CNTN5: variants seen among roughly 807,000 people sequenced by gnomAD.
CNTN5 encodes contactin 5, also known as contactin-5.
CNTN5 carries 77 observed loss-of-function variants against 129.1 expected under a neutral mutation model. The observed-to-expected ratio is 0.60, with a 90% CI of 0.50 to 0.72. The LOEUF is 0.72. Ranked by LOEUF, CNTN5 falls within the 30% of genes least tolerant of loss-of-function variation. The pLI, the probability that CNTN5 is intolerant of heterozygous loss-of-function variation, is 0.00. For synonymous variants in CNTN5, 509 were observed against 465.6 expected (o/e 1.09, Z -1.20); for missense variants, 1,478 against 1,328.8 (o/e 1.11, Z -1.75).
chr11:99,701,354 G>A (rs1274692365), intron 3 of CNTN5, among the ~76,000 whole-genome samples: 2 of 151,134 alleles, frequency 1.3e-5, no homozygotes, highest in East Asian at 1.9e-4. Context: ...AATACTATGA[G>A]TAAGAGATTA....
intron 3 of CNTN5, among the ~76,000 whole-genome samples, chr11:99,724,045 G>C (rs1284385447): frequency 6.6e-6 from 1 of 152,074 alleles, no homozygotes; most frequent in Non-Finnish European, 1.5e-5. Flanking sequence ...GGCTTATCTT[G>C]TTCTACCTTA....
chr11:99,105,266 C>T (rs914705390), intron 1 of CNTN5, among the ~76,000 whole-genome samples: 3 of 151,980 alleles, frequency 2.0e-5, no homozygotes, highest in Admixed American at 6.6e-5. Flanking sequence ...AAAGTAATCA[C>T]GCTATAGTAA....
At chr11:99,772,560 C>T (rs1944982603) in intron 3 of CNTN5, among the ~76,000 whole-genome samples, 2 of 152,054 alleles carry the variant, frequency 1.3e-5, no homozygotes, top group Non-Finnish European at 2.9e-5. Context: ...CTGCAGCTCA[C>T]TTGGTCAAAG....
At chr11:99,274,448 A>G (rs1181707826) in intron 1 of CNTN5, among the ~76,000 whole-genome samples, 1 of 151,678 alleles carries the variant, frequency 6.6e-6, no homozygotes, top group Non-Finnish European at 1.5e-5. Context: ...GCTGTTTTTT[A>G]AGTACAACAA....
intron 7 of CNTN5, among the ~76,000 whole-genome samples, chr11:99,951,044 C>T (rs1164342056): frequency 6.6e-6 from 1 of 151,940 alleles, no homozygotes; most frequent in Non-Finnish European, 1.5e-5. Flanking sequence ...TTGCATTTAA[C>T]CTTCCCTTTC....
chr11:99,463,002 G>A (rs1398666270), intron 2 of CNTN5, among the ~76,000 whole-genome samples: 1 of 151,962 alleles, frequency 6.6e-6, no homozygotes, highest in African/African-American at 2.4e-5. Flanking sequence ...CAGCTACTTG[G>A]AAGGCTGAGG....
intron 1 of CNTN5, among the ~76,000 whole-genome samples, chr11:99,023,701 T>C (rs908567723): frequency 1.3e-5 from 2 of 152,228 alleles, no homozygotes; most frequent in African/African-American, 2.4e-5. Context: ...ATTTACAATA[T>C]TGTAATTTGC....
Position 99,956,991 on chromosome 11 carries a change from C to T in CNTN5, c.859C>T (p.Leu287Phe), listed in dbSNP as rs199898141. 6.2e-7 allele frequency: 1 copy of T among 1,613,718 alleles called. No individual in the cohort carries two copies. Among genetic ancestry groups the T allele is most frequent in the Non-Finnish European group, 8.5e-7 (1 of 1,179,756 alleles). The change falls in exon 8 of 25, where the codon CTC becomes TTC. Residue 287 changes from leucine to phenylalanine, a missense_variant. Physicochemically the swap from Leu to Phe is conservative, Grantham distance 22. Coordinates refer to ENST00000524871, the MANE Select transcript of CNTN5 (RefSeq NM_014361.4). ...TAGAGTCCTTAGTCCTCCAACGCCA[C>T]TCACTCTGCGTAATGATGGTAAGTT... is the stretch of plus-strand genomic sequence containing the variant. Reference protein sequence around the residue: ...NARVLSPPTPLTLRNDGVMGE... With the variant: ...NARVLSPPTPFTLRNDGVMGE...
intron 18 of CNTN5, among the ~76,000 whole-genome samples, chr11:100,286,385 C>T (rs1950792629): frequency 6.6e-6 from 1 of 151,706 alleles, no homozygotes; most frequent in Admixed American, 6.6e-5. Flanking sequence ...AGCAGTGGTT[C>T]TCCCAGCACG....
chr11:99,105,776 A>G (rs1238252582), intron 1 of CNTN5, among the ~76,000 whole-genome samples: 1 of 152,164 alleles, frequency 6.6e-6, no homozygotes, highest in African/African-American at 2.4e-5. Context: ...GAACAAAATT[A>G]GAAAGAAAAC....
rs560397392 is a variant in CNTN5 at position 100,076,529 on chromosome 11, T to G, written c.1580+2235T>G. ...AATACAGTTTGTGAATTTTTCAACTTTCTTGTTTCTCTTCCTTTCTTTACT... is the reference window on the plus strand; with the variant it reads ...AATACAGTTTGTGAATTTTTCAACTGTCTTGTTTCTCTTCCTTTCTTTACT... On this transcript the variant is annotated intron_variant, in intron 13 of 24. Transcript: ENST00000524871. Among the ~76,000 whole-genome samples, 12 of 152,282 alleles carry G rather than the reference T, an allele frequency of 7.9e-5. No individual in the cohort carries two copies. In the South Asian group the frequency reaches 2.3e-3, roughly 29 times the overall value.
At chr11:99,232,522 A>C (rs968538725) in intron 1 of CNTN5, among the ~76,000 whole-genome samples, 5 of 152,130 alleles carry the variant, frequency 3.3e-5, no homozygotes, top group Admixed American at 6.6e-5. Flanking sequence ...ACTTTGCTGA[A>C]GTTGCTTGTC....
At chr11:100,308,854 C>A (rs1024571221) in intron 21 of CNTN5, 209 of 984,598 alleles carry the variant, frequency 2.1e-4, no homozygotes, top group Non-Finnish European at 2.4e-4. Flanking sequence ...ATCTCTTACC[C>A]TCAGTGCTGA....
In CNTN5 at chr11:99,949,854, G is replaced by T. The variant is rs191322772; in HGVS notation, c.674-6952G>T. On this transcript the variant is annotated intron_variant, in intron 7 of 24. Transcript: ENST00000524871. ...CTGCTTAAGTTGTGGATCATGAGAT[G>T]ACGCCAGTTTAGTACTGTTCTTATT... Among the ~76,000 whole-genome samples, 5 of 152,194 alleles carry T rather than the reference G, an allele frequency of 3.3e-5. No individual in the cohort carries two copies. In the East Asian group the frequency reaches 9.7e-4, roughly 29 times the overall value.
At chr11:99,095,428 AG>A (rs1325696830) in intron 1 of CNTN5, among the ~76,000 whole-genome samples, 1 of 151,950 alleles carries the variant, frequency 6.6e-6, no homozygotes, top group Non-Finnish European at 1.5e-5. Context: ...ATATAATGAG[AG>A]TACAAATCAT....
At chr11:99,421,607 A>G (rs1448022590) in intron 2 of CNTN5, among the ~76,000 whole-genome samples, 2 of 152,162 alleles carry the variant, frequency 1.3e-5, no homozygotes, top group Non-Finnish European at 2.9e-5. Flanking sequence ...GTTTGAAAAC[A>G]ATTTGCCATT....
intron 13 of CNTN5, among the ~76,000 whole-genome samples, chr11:100,075,372 A>G (rs879804600): frequency 6.6e-6 from 1 of 152,128 alleles, no homozygotes; most frequent in Admixed American, 6.6e-5. Context: ...CTCTTACACC[A>G]AAAGACCTAT....
chr11:99,222,507 A>G (rs1050255037), intron 1 of CNTN5, among the ~76,000 whole-genome samples: 1 of 152,074 alleles, frequency 6.6e-6, no homozygotes, highest in African/African-American at 2.4e-5. Context: ...TTAAAATAGA[A>G]TTTTCAAATC....
chr11:99,847,084 A>G (rs1947723156), intron 6 of CNTN5, among the ~76,000 whole-genome samples: 1 of 152,242 alleles, frequency 6.6e-6, no homozygotes, highest in African/African-American at 2.4e-5. Context: ...AATATGCTAT[A>G]CAAATATTAG....
Sources: gnomAD v4.1 joint callset for allele counts (sites outside exome capture counted in the v4.1 genomes callset) on GRCh38, gnomAD v4.1.1 for gene constraint, MANE v1.5 for transcripts, NCBI Gene and HGNC (gene_info 2026-07-23, HGNC 2026-07-21) for gene names.